The following RNF19A variants were observed in gnomAD, a reference collection of about 807,000 sequenced individuals.
RNF19A encodes the protein ring finger protein 19A, RBR E3 ubiquitin protein ligase.
Under a neutral mutation model 75.7 loss-of-function variants are expected in RNF19A, and 32 were observed. The observed-to-expected ratio is 0.42, with a 90% confidence interval of 0.32 to 0.57. The LOEUF (loss-of-function observed/expected upper bound fraction) is 0.57, where lower values mean the gene tolerates loss of function less well. RNF19A is among the 20% of genes least tolerant of loss of function. The pLI, the probability that RNF19A is intolerant of heterozygous loss-of-function variation, is 0.10. For missense variants in RNF19A, 782 were observed against 1,036.3 expected, an observed-to-expected ratio of 0.75 and a Z score of 3.37; for synonymous variants, 335 against 345.2, an observed-to-expected ratio of 0.97 and a Z score of 0.33.
In RNF19A at chr8:100,269,118, TAAC is replaced by T. The variant is rs1820134043; in HGVS notation, c.1029-174_1029-172del. Among the ~76,000 whole-genome samples the T allele has an allele frequency of 1.3e-5, 2 of 150,974 alleles. No homozygotes were observed. The highest frequency in any genetic ancestry group is 4.1e-4 in the South Asian group (2 of 4,824). On this transcript the variant is annotated intron_variant, in intron 4 of 9. Transcript: ENST00000341084. The surrounding 1 kb of genome is among the most constrained non-coding windows in gnomAD (Gnocchi z 5.7). ...AGGTAAGAACCACTATAAATTATAT[TAAC>T]AAGATATTGATATATCTTATTTTAT...
rs958505725 is a variant in RNF19A at position 100,275,524 on chromosome 8, G to A, written c.675-363C>T. Reference sequence around the variant, plus strand: ...CGCCCAAACAGTGAACACAGTACCTGACAGGCAGTTTTTCAACTCTCGCCC... The same window carrying A: ...CGCCCAAACAGTGAACACAGTACCTAACAGGCAGTTTTTCAACTCTCGCCC... On this transcript the variant is annotated intron_variant, in intron 2 of 9. Coordinates refer to ENST00000341084, the MANE Select transcript of RNF19A (RefSeq NM_183419.4). This position sits in a 1 kb window ranked among gnomAD's most constrained non-coding sequence, Gnocchi z 4.3. Among the ~76,000 whole-genome samples the A allele has an allele frequency of 4.0e-5, 6 of 151,716 alleles. No individual in the cohort carries two copies. The highest frequency in any genetic ancestry group is 7.4e-5 in the Non-Finnish European group (5 of 67,954).
At chr8:100,263,243 G>A (rs900831916) in intron 7 of RNF19A, among the ~76,000 whole-genome samples, 3 of 151,994 alleles carry the variant, frequency 2.0e-5, no homozygotes, top group African/African-American at 4.8e-5. Context: ...TTAATGAGAC[G>A]GACTGGCCAG....
rs540982000 is a variant in RNF19A, at chr8:100,284,616, TATG to T, written c.674+2882_674+2884del. On this transcript the variant is annotated intron_variant, in intron 2 of 9. Coordinates refer to ENST00000341084, the MANE Select transcript of RNF19A (RefSeq NM_183419.4). This position sits in a 1 kb window ranked among gnomAD's most constrained non-coding sequence, Gnocchi z 4.3. Reference sequence around the variant, plus strand: ...AGTAAAGCAAGTGTTTCTATTATTTTATGATATTTTATATTTGAGTTAACATTT... The same window carrying T: ...AGTAAAGCAAGTGTTTCTATTATTTTATATTTTATATTTGAGTTAACATTT... Among the ~76,000 whole-genome samples the T allele has an allele frequency of 2.6e-4, 39 of 152,272 alleles. No homozygotes were observed. The highest frequency in any genetic ancestry group is 4.6e-4 in the Admixed American group (7 of 15,304).
rs1432097745 is a variant in RNF19A, at chr8:100,288,177, A to G, written c.-3T>C. The G allele has an allele frequency of 6.3e-7, 1 of 1,593,180 alleles. No homozygotes were observed. The highest frequency in any genetic ancestry group is 8.6e-7 in the Non-Finnish European group (1 of 1,169,586). ...AAACCTATTTCTTGTTCTTGCATTC[A>G]CATTAAGTCATGATGTAAGAATATC... On this transcript the variant is annotated 5_prime_UTR_variant, in exon 2 of 10. The change abolishes the stop of an existing upstream ORF in the 5' untranslated region. Transcript: ENST00000341084.
At chr8:100,282,885 T>A (rs1820846184) in intron 2 of RNF19A, among the ~76,000 whole-genome samples, 1 of 152,176 alleles carries the variant, frequency 6.6e-6, no homozygotes, top group Admixed American at 6.5e-5. Flanking sequence ...CCAGAGTAAG[T>A]TATCATTGAA....
intron 1 of RNF19A, among the ~76,000 whole-genome samples, chr8:100,305,787 C>T (rs1586683577): frequency 6.6e-6 from 1 of 152,310 alleles, no homozygotes; most frequent in East Asian, 1.9e-4. Context: ...TATACTTCTG[C>T]ACATTTCACA....
At chr8:100,263,945 T>C in intron 7 of RNF19A, 89 bp downstream of exon 7, 1 of 1,100,694 alleles carries the variant, frequency 9.1e-7, no homozygotes, top group East Asian at 2.4e-5. Context: ...AGGATGGCAA[T>C]GGAAATTCTG....
intron 1 of RNF19A, among the ~76,000 whole-genome samples, chr8:100,327,503 G>A (rs1272196309): frequency 1.3e-5 from 2 of 151,866 alleles, no homozygotes; most frequent in African/African-American, 4.8e-5. Flanking sequence ...TTCCCGCCTC[G>A]GCCTCCCAAA....
rs201527248 is a variant in RNF19A, at chr8:100,288,310, T to C, written c.-93-43A>G. On this transcript the variant is annotated intron_variant, in intron 1 of 9. Transcript: ENST00000341084. ...AAAAAATCAAGATCATTTAATTGTATTCTTAGTTTGTATATTTTTATAAAT... is the reference window on the plus strand; with the variant it reads ...AAAAAATCAAGATCATTTAATTGTACTCTTAGTTTGTATATTTTTATAAAT... 81 of 1,149,910 alleles carry C rather than the reference T, an allele frequency of 7.0e-5. No homozygotes were observed. In the East Asian group the frequency reaches 2.1e-3, roughly 30 times the overall value. The allele number at this position is 1,149,910 out of a possible 1,614,324, so 71.2% of individuals were successfully genotyped here.
At chr8:100,270,048 A>G (rs1416119822) in intron 3 of RNF19A, 35 bp from the exon 4 acceptor site, 3 of 1,470,968 alleles carry the variant, frequency 2.0e-6, no homozygotes, top group East Asian at 2.5e-5. Context: ...TTAAGTACAT[A>G]AAACTGGTCT....
At chr8:100,319,583 G>A (rs1822435186) in intron 1 of RNF19A, among the ~76,000 whole-genome samples, 1 of 144,510 alleles carries the variant, frequency 6.9e-6, no homozygotes, top group Admixed American at 7.0e-5. Flanking sequence ...AGGCTGGAGT[G>A]TAATGGCACA....
At chr8:100,268,587 T>C (rs1820097218) in intron 5 of RNF19A, 198 bp downstream of exon 5, 2 of 381,272 alleles carry the variant, frequency 5.2e-6, no homozygotes, top group Admixed American at 9.0e-5. Flanking sequence ...AAAGCAAGTC[T>C]GCTTTATACG....
At chr8:100,273,693 T>TAC (rs1820365529) in intron 3 of RNF19A, among the ~76,000 whole-genome samples, 1 of 152,242 alleles carries the variant, frequency 6.6e-6, no homozygotes, top group South Asian at 2.1e-4. Context: ...TAAGGTCCCC[T>TAC]ACCTCATATA....
chr8:100,326,838 T>G (rs1472819977), intron 1 of RNF19A, among the ~76,000 whole-genome samples: 1 of 152,260 alleles, frequency 6.6e-6, no homozygotes, highest in Non-Finnish European at 1.5e-5. Flanking sequence ...ATGAAAGAAG[T>G]GCTGAGCATA....
At chr8:100,301,374 T>G (rs1821819594) in intron 1 of RNF19A, among the ~76,000 whole-genome samples, 2 of 152,214 alleles carry the variant, frequency 1.3e-5, no homozygotes, top group Admixed American at 1.3e-4. Flanking sequence ...ATTATCCTCT[T>G]TGTTAAAGTC....
chr8:100,275,646 C>CA lies in RNF19A; in HGVS notation c.675-486dup, dbSNP rs965069911. Among the ~76,000 whole-genome samples the CA allele has an allele frequency of 2.7e-5, 4 of 150,462 alleles. No homozygotes were observed. Among genetic ancestry groups the CA allele is most frequent in the Admixed American group, 6.6e-5 (1 of 15,162 alleles). ...AAATTAGTACAGTATTGTATGCACACAAAAAAAAGACTAGAAGGAAAAACA... is the reference window on the plus strand; with the variant it reads ...AAATTAGTACAGTATTGTATGCACACAAAAAAAAAGACTAGAAGGAAAAACA... On this transcript the variant is annotated intron_variant, in intron 2 of 9. Transcript: ENST00000341084. This position sits in a 1 kb window ranked among gnomAD's most constrained non-coding sequence, Gnocchi z 4.3.
Position 100,329,944 on chromosome 8 carries a change from T to C in RNF19A, c.-243+6164A>G, listed in dbSNP as rs1042047976. Among the ~76,000 whole-genome samples the C allele has an allele frequency of 1.3e-5, 2 of 152,254 alleles. No individual in the cohort carries two copies. The highest frequency in any genetic ancestry group is 1.3e-4 in the Admixed American group (2 of 15,284). On this transcript the variant is annotated intron_variant, in intron 1 of 3. Transcript: ENST00000519527. The surrounding 1 kb of genome is among the most constrained non-coding windows in gnomAD (Gnocchi z 4.3). ...TTAAATACTTTCCAAAATCATGAAC[T>C]ATCTATTACTGAATATGTTCAAGTA...
chr8:100,306,336 TGA>T (rs1822060160), intron 1 of RNF19A, among the ~76,000 whole-genome samples: 1 of 152,228 alleles, frequency 6.6e-6, no homozygotes. Flanking sequence ...TCTGTCATAT[TGA>T]GAGTTTCATG....
rs1820152998 is a variant in RNF19A at position 100,269,538 on chromosome 8, A to C, written c.1028+331T>G. Among the ~76,000 whole-genome samples the C allele has an allele frequency of 6.6e-6, 1 of 152,188 alleles. No homozygotes were observed. The highest frequency in any genetic ancestry group is 1.5e-5 in the Non-Finnish European group (1 of 68,010). On this transcript the variant is annotated intron_variant, in intron 4 of 9. Transcript: ENST00000341084. The surrounding 1 kb of genome is among the most constrained non-coding windows in gnomAD (Gnocchi z 5.7). ...TTTTAGGCATCAATTATCTGATTAT[A>C]TCATAAACTCACTCTGTGCCTAAAT...
Sources: allele counts gnomAD v4.1 joint callset (sites outside exome capture counted in the v4.1 genomes callset), GRCh38; gene constraint gnomAD v4.1.1; non-coding constraint Gnocchi (gnomAD v3.1); transcripts MANE v1.5; gene names NCBI Gene and HGNC (gene_info 2026-07-23, HGNC 2026-07-21).